CNTNAP5: variants seen among roughly 807,000 people sequenced by gnomAD.
The protein encoded by CNTNAP5 is contactin associated protein family member 5.
CNTNAP5 carries 72 observed loss-of-function variants against 150.2 expected under a neutral mutation model. The ratio of observed to expected loss-of-function variants is 0.48; its 90% confidence interval spans 0.40 to 0.58. CNTNAP5 has a LOEUF of 0.58. CNTNAP5 is among the 20% of genes least tolerant of loss of function. The pLI is 0.00. For synonymous variants in CNTNAP5, 672 were observed against 619.8 expected (o/e 1.08, Z -1.25); for missense variants, 1,636 against 1,626.2 (o/e 1.01, Z -0.10).
intron 2 of CNTNAP5, among the ~76,000 whole-genome samples, chr2:124,223,267 T>C (rs921084835): frequency 1.3e-5 from 2 of 152,022 alleles, no homozygotes; most frequent in African/African-American, 4.8e-5. Context: ...TGAAAAGGGG[T>C]GTAGCAGCAA....
rs71412792 is a variant in CNTNAP5, at chr2:124,702,346, C to CTTTTTTTTTTTTTTTTTTTTTTTTTT, written c.2078-44858_2078-44833dup. Among the ~76,000 whole-genome samples the CTTTTTTTTTTTTTTTTTTTTTTTTTT allele has an allele frequency of 7.7e-5, 4 of 52,214 alleles. 1 individual carries two copies. The highest frequency in any genetic ancestry group is 7.5e-5 in the African/African-American group (1 of 13,360). 34.3% of individuals were successfully genotyped at this position (52,214 alleles called of 152,430 possible). On this transcript the variant is annotated intron_variant, in intron 13 of 23. Transcript: ENST00000682447. ...ATGTCCTTCTGTGAAACTATGAACA[C>CTTTTTTTTTTTTTTTTTTTTTTTTTT]TTTTTTTTTTTTTTTTTTTTTTTTT...
chr2:124,762,363 C>A (rs1680976295), intron 14 of CNTNAP5, among the ~76,000 whole-genome samples: 1 of 152,072 alleles, frequency 6.6e-6, no homozygotes, highest in Admixed American at 6.6e-5. Context: ...GATAATAAAT[C>A]TGAAAATTTA....
intron 1 of CNTNAP5, among the ~76,000 whole-genome samples, chr2:124,191,297 AT>A (rs1466343465): frequency 2.6e-5 from 4 of 152,174 alleles, no homozygotes; most frequent in Non-Finnish European, 4.4e-5. Context: ...AAGGATGGGG[AT>A]TCTCTGAACC....
chr2:124,225,252 C>T (rs1686427046), intron 2 of CNTNAP5, among the ~76,000 whole-genome samples: 1 of 152,116 alleles, frequency 6.6e-6, no homozygotes, highest in African/African-American at 2.4e-5. Context: ...CAATTCTATA[C>T]TCACAACTAC....
intron 3 of CNTNAP5, among the ~76,000 whole-genome samples, chr2:124,302,455 T>A (rs983363487): frequency 1.3e-5 from 2 of 152,170 alleles, no homozygotes; most frequent in African/African-American, 4.8e-5. Context: ...TGGCATCTTA[T>A]GAGAGTCTTT....
At chr2:124,417,642 T>A in intron 4 of CNTNAP5, 52 bp downstream of exon 4, 3 of 1,524,734 alleles carry the variant, frequency 2.0e-6, no homozygotes, top group Non-Finnish European at 2.7e-6. Context: ...TGGCACCGCC[T>A]ACGTAACATC....
At chr2:124,220,762 T>G (rs1235340991) in intron 1 of CNTNAP5, among the ~76,000 whole-genome samples, 1 of 152,086 alleles carries the variant, frequency 6.6e-6, no homozygotes, top group Non-Finnish European at 1.5e-5. Context: ...ATTAAAGCTG[T>G]AAACCTAAGC....
At chr2:124,822,140 T>A (rs1168446436) in intron 19 of CNTNAP5, among the ~76,000 whole-genome samples, 1 of 152,148 alleles carries the variant, frequency 6.6e-6, no homozygotes, top group Non-Finnish European at 1.5e-5. Context: ...CCCTGAATGA[T>A]CCTTGGTTCT....
intron 3 of CNTNAP5, among the ~76,000 whole-genome samples, chr2:124,289,148 T>G (rs994435257): frequency 6.6e-6 from 1 of 152,224 alleles, no homozygotes; most frequent in Non-Finnish European, 1.5e-5. Context: ...TCTGTTGTAT[T>G]GTGCTGTGTT....
Position 124,058,123 on chromosome 2 carries a change from G to A in CNTNAP5, c.82+32391G>A, listed in dbSNP as rs532137332. ...ACTACATGGAAGTGAATGACCTACAGGGATTGTTAAATATGCAAATTCCTA... is the reference window on the plus strand; with the variant it reads ...ACTACATGGAAGTGAATGACCTACAAGGATTGTTAAATATGCAAATTCCTA... On this transcript the variant is annotated intron_variant, in intron 1 of 23. Coordinates refer to ENST00000682447, the MANE Select transcript of CNTNAP5 (RefSeq NM_001367498.1). Among the ~76,000 whole-genome samples, 14 of 152,262 alleles carry A rather than the reference G, an allele frequency of 9.2e-5. No homozygotes were observed. In the South Asian group the frequency reaches 2.7e-3, roughly 29 times the overall value.
rs150796851 is a variant in CNTNAP5 at position 124,083,219 on chromosome 2, G to A, written c.82+57487G>A. ...AAAAATTGACTGGGTGTGGTGATGC[G>A]TGCCTGTAATCTCAGCTAGTCAGGA... On this transcript the variant is annotated intron_variant, in intron 1 of 23. Coordinates refer to ENST00000682447, the MANE Select transcript of CNTNAP5 (RefSeq NM_001367498.1). 1.5e-3 allele frequency among the ~76,000 whole-genome samples: 226 copies of A among 152,256 alleles called. 1 individual carries two copies. Among genetic ancestry groups the A allele is most frequent in the African/African-American group, 4.9e-3 (202 of 41,554 alleles).
intron 1 of CNTNAP5, among the ~76,000 whole-genome samples, chr2:124,217,482 C>G (rs1336155101): frequency 6.6e-6 from 1 of 152,124 alleles, no homozygotes; most frequent in East Asian, 1.9e-4. Context: ...GCTCCCCAGC[C>G]ATGTGCTTGG....
At chr2:124,656,238 C>T (rs1215869022) in intron 13 of CNTNAP5, among the ~76,000 whole-genome samples, 4 of 152,028 alleles carry the variant, frequency 2.6e-5, no homozygotes, top group South Asian at 2.1e-4. Flanking sequence ...AGGGCAGAGT[C>T]GAGAGTCAAA....
intron 1 of CNTNAP5, among the ~76,000 whole-genome samples, chr2:124,068,870 A>C (rs1682231044): frequency 6.6e-6 from 1 of 151,984 alleles, no homozygotes; most frequent in African/African-American, 2.4e-5. Flanking sequence ...GAAAGGAACG[A>C]TCTGGTCCTG....
intron 8 of CNTNAP5, among the ~76,000 whole-genome samples, chr2:124,505,455 A>AT (rs1694381634): frequency 1.3e-5 from 2 of 152,128 alleles, no homozygotes; most frequent in Admixed American, 6.5e-5. Flanking sequence ...CCATTTAAAA[A>AT]ATATATATGT....
chr2:124,451,336 C>T (rs980823434), intron 6 of CNTNAP5, among the ~76,000 whole-genome samples: 1 of 151,520 alleles, frequency 6.6e-6, no homozygotes, highest in East Asian at 1.9e-4. Context: ...AAATAGAGAT[C>T]ATATTTTTTA....
chr2:124,094,320 G>A (rs571559295), intron 1 of CNTNAP5, among the ~76,000 whole-genome samples: 3 of 152,092 alleles, frequency 2.0e-5, no homozygotes, highest in Non-Finnish European at 4.4e-5. Context: ...AAAATTATAC[G>A]ATTTGGAGTA....
intron 13 of CNTNAP5, among the ~76,000 whole-genome samples, chr2:124,649,365 G>T (rs990899108): frequency 6.6e-6 from 1 of 152,148 alleles, no homozygotes; most frequent in Non-Finnish European, 1.5e-5. Flanking sequence ...AAGCCTGCAC[G>T]TGCTACCTCA....
At chr2:124,451,045 A>ATATATATATAT (rs1287236471) in intron 6 of CNTNAP5, among the ~76,000 whole-genome samples, 3 of 75,324 alleles carry the variant, frequency 4.0e-5, no homozygotes, top group South Asian at 4.7e-4. Flanking sequence ...AAAAAAAAAA[A>ATATATATATAT]AAAAAAATAT....
Sources: gnomAD v4.1 joint callset for allele counts (sites outside exome capture counted in the v4.1 genomes callset) on GRCh38, gnomAD v4.1.1 for gene constraint, MANE v1.5 for transcripts, NCBI Gene and HGNC (gene_info 2026-07-23, HGNC 2026-07-21) for gene names.